MEGF6: variants seen among roughly 807,000 people sequenced by gnomAD.
The protein encoded by MEGF6 is multiple EGF like domains 6.
In MEGF6, 184 loss-of-function variants were observed where a neutral mutation model predicts 207.1. That is an observed-to-expected ratio of 0.89 (90% CI 0.79 to 1.00). The LOEUF (loss-of-function observed/expected upper bound fraction) is 1.00, where lower values mean the gene tolerates loss of function less well. Among genes scored for constraint, MEGF6 ranks in the 50% least tolerant of loss-of-function variants. The pLI, the probability that MEGF6 is intolerant of heterozygous loss-of-function variation, is 0.00. For synonymous variants in MEGF6, 1,038 were observed against 910.0 expected (o/e 1.14, Z -2.53); for missense variants, 2,282 against 2,202.9 (o/e 1.04, Z -0.72).
intron 13 of MEGF6, 32 bp from the exon 14 acceptor site, chr1:3,507,955 A>C (rs760447721): frequency 1.3e-6 from 2 of 1,598,078 alleles, no homozygotes; most frequent in Non-Finnish European, 1.7e-6. Context: ...CGTCAGGGTC[A>C]CCAGCCAGCA....
intron 30 of MEGF6, among the ~76,000 whole-genome samples, chr1:3,495,644 G>A (rs1245940878): frequency 6.6e-6 from 1 of 152,214 alleles, no homozygotes; most frequent in African/African-American, 2.4e-5. Context: ...GGTGGCCTGA[G>A]CCTCGGGGGC....
At chr1:3,586,746 A>C (rs1643899275) in intron 3 of MEGF6, among the ~76,000 whole-genome samples, 1 of 152,178 alleles carries the variant, frequency 6.6e-6, no homozygotes, top group Non-Finnish European at 1.5e-5. Flanking sequence ...AGGGCCCTGC[A>C]GCCCCTTCCC....
At chr1:3,605,851 C>T (rs543772236) in intron 1 of MEGF6, among the ~76,000 whole-genome samples, 11 of 152,306 alleles carry the variant, frequency 7.2e-5, no homozygotes, top group South Asian at 4.1e-4. Context: ...CTGTCAGGGG[C>T]GGAGGCCGTG....
chr1:3,604,231 C>T (rs1384344444), intron 1 of MEGF6, among the ~76,000 whole-genome samples: 1 of 152,350 alleles, frequency 6.6e-6, no homozygotes, highest in East Asian at 1.9e-4. Flanking sequence ...TGCCCACACT[C>T]TCCCGCAGTT....
At chr1:3,514,696 G>C (rs745850223) in intron 6 of MEGF6, 24 bp from the exon 7 acceptor site, 4 of 1,550,984 alleles carry the variant, frequency 2.6e-6, no homozygotes, top group Admixed American at 1.8e-5. Context: ...CCCGAGGAGG[G>C]GGTTGGGGAG....
chr1:3,493,758 A>G lies in MEGF6; in HGVS notation c.4387+13T>C, dbSNP rs750818719. On this transcript the variant is annotated intron_variant, in intron 34 of 36. Transcript: ENST00000356575. Reference sequence around the variant, plus strand: ...CACACCCACGCCCTTCCTGGGCAGGACCCCAGACTCACCCAGGTTACAGGT... The same window carrying G: ...CACACCCACGCCCTTCCTGGGCAGGGCCCCAGACTCACCCAGGTTACAGGT... 8.1e-6 allele frequency: 13 copies of G among 1,610,338 alleles called. No homozygotes were observed. Among genetic ancestry groups the G allele is most frequent in the African/African-American group, 1.3e-5 (1 of 74,906 alleles).
At position 3,501,232 on chromosome 1, in the gene MEGF6, A is replaced by G. The variant is rs531871190; in HGVS notation, c.2391T>C (p.Pro797=). The G allele has an allele frequency of 1.9e-6, 3 of 1,611,714 alleles. No homozygotes were observed. The Admixed American group carries it at 5.0e-5, about 27-fold the overall frequency. ...GGAGGCACAGGCAGGCTCCGGTCTC[A>G]GGGTCGCAGCGGGCAGCGTGCTGGC... The part of the protein sequence containing the change: ...PACQHAARCD[P]ETGACLCLPG... Residue 797 remains proline, a synonymous_variant, in exon 19 of 37, where the codon CCT becomes CCC. Transcript: ENST00000356575.
At chr1:3,522,453 C>T (rs1160672993) in intron 5 of MEGF6, among the ~76,000 whole-genome samples, 4 of 152,268 alleles carry the variant, frequency 2.6e-5, no homozygotes, top group East Asian at 1.9e-4. Context: ...GCATCTGGCC[C>T]GGAGAAGACC....
rs112706922 is a variant in MEGF6 at position 3,567,274 on chromosome 1, C to T, written c.481+12551G>A. Among the ~76,000 whole-genome samples the T allele has an allele frequency of 2.9e-3, 438 of 152,328 alleles. 1 individual carries two copies. Among genetic ancestry groups the T allele is most frequent in the Middle Eastern group, 0.01 (3 of 292 alleles). On this transcript the variant is annotated intron_variant, in intron 4 of 36. Coordinates refer to ENST00000356575, the MANE Select transcript of MEGF6 (RefSeq NM_001409.4). ...CCTGGACACGCTTCCTCCCTTCCTA[C>T]CCGCCAGGGCTCACCCAGCCCAGAC...
Position 3,514,654 on chromosome 1 carries a change from T to C in MEGF6, c.749A>G (p.Asn250Ser). 6.3e-7 allele frequency: 1 copy of C among 1,583,636 alleles called. No homozygotes were observed. Among genetic ancestry groups the C allele is most frequent in the Non-Finnish European group, 8.6e-7 (1 of 1,167,306 alleles). The change falls in exon 7 of 37, where the codon AAC becomes AGC. Residue 250 changes from asparagine to serine, a missense_variant. By Grantham distance (46) the Asn-to-Ser change is conservative. Coordinates refer to ENST00000356575, the MANE Select transcript of MEGF6 (RefSeq NM_001409.4). ...RHCVRRSPCA[N>S]RNGSCMHRCQ... ...CCTGTGCATGCAGCTGCCGTTCCTG[T>C]TGGCACACGGGCTTCTACCTGCAGC...
chr1:3,589,875 T>A (rs963738375), intron 3 of MEGF6, among the ~76,000 whole-genome samples: 2 of 152,272 alleles, frequency 1.3e-5, no homozygotes, highest in South Asian at 2.1e-4. Context: ...GCCTGTATAG[T>A]CTGTCTCAGG....
intron 4 of MEGF6, among the ~76,000 whole-genome samples, chr1:3,534,831 CCCCCA>C (rs1266819054): frequency 1.3e-5 from 2 of 152,144 alleles, no homozygotes; most frequent in Non-Finnish European, 2.9e-5. Flanking sequence ...CACCTCCATA[CCCCCA>C]CCTCAGCACC....
At chr1:3,562,336 T>C (rs955097451) in intron 4 of MEGF6, among the ~76,000 whole-genome samples, 15 of 152,296 alleles carry the variant, frequency 9.8e-5, no homozygotes, top group Non-Finnish European at 1.2e-4. Flanking sequence ...CAATATCTGT[T>C]TCTCTGTCTC....
chr1:3,578,406 T>C (rs1377045241), intron 4 of MEGF6, among the ~76,000 whole-genome samples: 6 of 152,084 alleles, frequency 3.9e-5, no homozygotes, highest in Non-Finnish European at 7.4e-5. Flanking sequence ...GCCCACTCCA[T>C]CCTGTGTGGA....
chr1:3,607,717 G>C (rs1311047964), intron 1 of MEGF6, among the ~76,000 whole-genome samples: 1 of 152,230 alleles, frequency 6.6e-6, no homozygotes, highest in South Asian at 2.1e-4. Flanking sequence ...GTTCCTTGCG[G>C]CTGGATCCCG....
At chr1:3,538,662 G>A (rs142838766) in intron 4 of MEGF6, among the ~76,000 whole-genome samples, 68 of 151,628 alleles carry the variant, frequency 4.5e-4, no homozygotes, top group African/African-American at 1.6e-3. Context: ...GTCTGTCCCC[G>A]TGAGGCTCTG....
Position 3,502,366 on chromosome 1 carries a change from C to T in MEGF6, c.2189-445G>A, listed in dbSNP as rs535894266. On this transcript the variant is annotated intron_variant, in intron 17 of 36. Transcript: ENST00000356575. The stretch of plus-strand genomic sequence containing the variant: ...CACCGTAGTCACCAGAGGACCTGTC[C>T]TGGTCAGGCCAGTGTGTCCCCAGTC... Among the ~76,000 whole-genome samples, 262 of 152,310 alleles carry T rather than the reference C, an allele frequency of 1.7e-3. 1 individual carries two copies. The highest frequency in any genetic ancestry group is 5.4e-3 in the African/African-American group (224 of 41,576).
In MEGF6 at chr1:3,579,824, C is replaced by G. The variant is rs752601112; in HGVS notation, c.481+1G>C. On this transcript the variant is annotated splice_donor_variant, in intron 4 of 36. Transcript: ENST00000356575. LOFTEE classifies it high-confidence loss of function. Reference sequence around the variant, plus strand: ...CTTGGTCCCCCAGGGGCTCCACTCACCATACTGACAGCGGGGTCCCTGGAA... The same window carrying G: ...CTTGGTCCCCCAGGGGCTCCACTCAGCATACTGACAGCGGGGTCCCTGGAA... 6.6e-7 allele frequency: 1 copy of G among 1,512,690 alleles called. No individual in the cohort carries two copies. Among genetic ancestry groups the G allele is most frequent in the African/African-American group, 1.4e-5 (1 of 69,374 alleles). The allele number at this position is 1,512,690 out of a possible 1,614,324, so 93.7% of individuals were successfully genotyped here. A position where few individuals can be genotyped will look rare whatever the true frequency, so the allele number is the denominator to read the frequency against.
chr1:3,570,163 C>T (rs1282934943), intron 4 of MEGF6, among the ~76,000 whole-genome samples: 1 of 152,146 alleles, frequency 6.6e-6, no homozygotes, highest in Non-Finnish European at 1.5e-5. Context: ...GGAGGGGCCA[C>T]ACCTGTCCCA....
Sources: gnomAD v4.1 joint callset for allele counts (sites outside exome capture counted in the v4.1 genomes callset) on GRCh38, gnomAD v4.1.1 for gene constraint, MANE v1.5 for transcripts, NCBI Gene and HGNC (gene_info 2026-07-23, HGNC 2026-07-21) for gene names.